NNT: variants seen among roughly 807,000 people sequenced by gnomAD.
The protein encoded by NNT is nicotinamide nucleotide transhydrogenase.
NNT carries 50 observed loss-of-function variants against 104.8 expected under a neutral mutation model. The ratio of observed to expected loss-of-function variants is 0.48; its 90% CI spans 0.38 to 0.60. The LOEUF (loss-of-function observed/expected upper bound fraction) is 0.60, where lower values mean the gene tolerates loss of function less well. Ranked by LOEUF, NNT falls within the 20% of genes least tolerant of loss-of-function variation. The pLI, the probability that NNT is intolerant of heterozygous loss-of-function variation, is 0.00. For synonymous variants in NNT, 461 were observed against 490.4 expected, an observed-to-expected ratio of 0.94 and a Z score of 0.79; for missense variants, 1,131 against 1,330.7, an observed-to-expected ratio of 0.85 and a Z score of 2.33.
chr5:43,672,452 G>A (rs1741162226), intron 17 of NNT, among the ~76,000 whole-genome samples: 1 of 152,160 alleles, frequency 6.6e-6, no homozygotes, highest in African/African-American at 2.4e-5. Context: ...GTGACGTACA[G>A]ATGAGGTTTT....
rs931428596 is a variant in NNT, at chr5:43,659,055, C to A, written c.2455-116C>A. 24 of 1,047,324 alleles carry A rather than the reference C, an allele frequency of 2.3e-5. 1 individual carries two copies. The South Asian group carries it at 3.7e-4, about 16-fold the overall frequency. The allele number at this position is 1,047,324 out of a possible 1,614,324, so 64.9% of individuals were successfully genotyped here. A position where few individuals can be genotyped will look rare whatever the true frequency, so the allele number is the denominator to read the frequency against. ...GAGACACTTATTACCGGAAGTGGAA[C>A]TTATATGTAAATATATTAATGGGAA... is the stretch of plus-strand genomic sequence containing the variant. On this transcript the variant is annotated intron_variant, in intron 16 of 21. Transcript: ENST00000344920.
At chr5:43,659,006 C>T (rs1449798498) in intron 16 of NNT, among the ~76,000 whole-genome samples, 165 bp from the exon 17 acceptor site, 1 of 151,592 alleles carries the variant, frequency 6.6e-6, no homozygotes, top group Non-Finnish European at 1.5e-5. Context: ...AGTTGTTATA[C>T]CTGTGGAAGT....
chr5:43,672,236 C>T (rs1314861236), intron 17 of NNT, among the ~76,000 whole-genome samples: 1 of 152,190 alleles, frequency 6.6e-6, no homozygotes, highest in Non-Finnish European at 1.5e-5. Flanking sequence ...CAAACTTCCT[C>T]CTTTAGCTTG....
chr5:43,648,898 T>G (rs2111870656), intron 10 of NNT, among the ~76,000 whole-genome samples: 1 of 152,276 alleles, frequency 6.6e-6, no homozygotes, highest in East Asian at 1.9e-4. Context: ...TTGTTATTAG[T>G]GTGACTCATA....
In NNT at chr5:43,702,683, C is replaced by A; in HGVS notation, c.3058C>A (p.Pro1020Thr). The stretch of plus-strand genomic sequence containing the variant: ...TGTTAATTCAGCAGCTCAAGAAGAT[C>A]CCAACTCTATTATTGCAGGCATGCC... ...DTVNSAAQED[P>T]NSIIAGMPVL... Residue 1020 changes from proline (P) to threonine (T), a missense_variant, in exon 21 of 22, where the codon CCC becomes ACC. Pro to Thr is a conservative substitution (Grantham distance 38, BLOSUM62 -1). Coordinates refer to ENST00000344920, the MANE Select transcript of NNT (RefSeq NM_182977.3). 1 of 1,612,824 alleles carries A rather than the reference C, an allele frequency of 6.2e-7. No homozygotes were observed. Among genetic ancestry groups the A allele is most frequent in the Non-Finnish European group, 8.5e-7 (1 of 1,179,306 alleles).
intron 17 of NNT, among the ~76,000 whole-genome samples, chr5:43,666,363 G>A (rs58816610): frequency 0.012 from 1,873 of 152,296 alleles, 46 homozygotes; most frequent in African/African-American, 0.043. Context: ...GGCCGAGGCT[G>A]TCAGATCACT....
At chr5:43,645,846 C>A (rs1379452789) in intron 10 of NNT, among the ~76,000 whole-genome samples, 3 of 149,930 alleles carry the variant, frequency 2.0e-5, no homozygotes, top group African/African-American at 7.4e-5. Context: ...TCCCAAGTAG[C>A]TGGGACTATA....
chr5:43,612,997 A>C lies in NNT; in HGVS notation c.241A>C (p.Asn81His). ...RVALSPAGVQ[N>H]LVKQGFNVVV... Reference sequence around the variant, plus strand: ...GGCATTGTCTCCTGCTGGTGTTCAGAACTTGGTCAAGCAGGGTTTTAATGT... The same window carrying C: ...GGCATTGTCTCCTGCTGGTGTTCAGCACTTGGTCAAGCAGGGTTTTAATGT... The change falls in exon 3 of 22, where the codon AAC becomes CAC. Residue 81 changes from asparagine to histidine, a missense_variant. Transcript: ENST00000344920. 6.2e-7 allele frequency: 1 copy of C among 1,614,108 alleles called. No homozygotes were observed. Among genetic ancestry groups the C allele is most frequent in the African/African-American group, 1.3e-5 (1 of 75,010 alleles).
At chr5:43,689,043 C>G (rs750103432) in intron 19 of NNT, among the ~76,000 whole-genome samples, 1 of 152,120 alleles carries the variant, frequency 6.6e-6, no homozygotes, top group Admixed American at 6.5e-5. Context: ...TCACTACATC[C>G]CCACCAACCT....
In NNT at chr5:43,656,676, C is replaced by G. The variant is rs190213776; in HGVS notation, c.2317C>G (p.Leu773Val). 5.6e-6 allele frequency: 9 copies of G among 1,613,478 alleles called. No individual in the cohort carries two copies. In the East Asian group the frequency reaches 2.0e-4, roughly 36 times the overall value. ...LQGLLKSAPL[L>V]LPGRHLLNAG... Reference sequence around the variant, plus strand: ...AGGTCTCCTGAAATCTGCCCCTCTCCTACTGCCTGGAAGGCACTTACTCAA... The same window carrying G: ...AGGTCTCCTGAAATCTGCCCCTCTCGTACTGCCTGGAAGGCACTTACTCAA... The change falls in exon 16 of 22, where the codon CTA becomes GTA. Residue 773 changes from leucine to valine, a missense_variant. Coordinates refer to ENST00000344920, the MANE Select transcript of NNT (RefSeq NM_182977.3).
At chr5:43,628,460 G>T in intron 7 of NNT, 73 bp downstream of exon 7, 1 of 1,157,222 alleles carries the variant, frequency 8.6e-7, no homozygotes, top group South Asian at 1.8e-5. Flanking sequence ...GAGAGTGAAT[G>T]ATTGCTTAAC....
At chr5:43,674,960 A>G (rs1301637136) in intron 17 of NNT, among the ~76,000 whole-genome samples, 1 of 152,212 alleles carries the variant, frequency 6.6e-6, no homozygotes, top group East Asian at 1.9e-4. Flanking sequence ...AGTTACTTCT[A>G]TTAAAACTTA....
intron 17 of NNT, among the ~76,000 whole-genome samples, chr5:43,667,980 A>G (rs1580077708): frequency 6.6e-6 from 1 of 152,184 alleles, no homozygotes; most frequent in East Asian, 1.9e-4. Context: ...GTGAGATGGT[A>G]TCTCATTGTG....
At chr5:43,653,298 A>AT in intron 14 of NNT, 85 bp downstream of exon 14, 1 of 1,283,632 alleles carries the variant, frequency 7.8e-7, no homozygotes, top group Admixed American at 2.8e-5. Context: ...AAATAATTAA[A>AT]TTTTGTTCAT....
At chr5:43,645,657 C>A (rs7732357) in intron 10 of NNT, 147 bp downstream of exon 10, 2,300 of 36,000 alleles carry the variant, frequency 0.064, 31 homozygotes, top group South Asian at 0.12. Context: ...CTATCTATCT[C>A]TCTCTCTCTC....
intron 17 of NNT, among the ~76,000 whole-genome samples, chr5:43,666,270 G>C (rs948315094): frequency 6.6e-6 from 1 of 152,098 alleles, no homozygotes. Flanking sequence ...GTAGCCAGCC[G>C]AGAGCATGCC....
At chr5:43,648,724 G>A (rs73751793) in intron 10 of NNT, among the ~76,000 whole-genome samples, 2,344 of 152,240 alleles carry the variant, frequency 0.015, 61 homozygotes, top group African/African-American at 0.049. Context: ...CTTCATAAAA[G>A]TCTTGTCTTA....
chr5:43,648,789 T>G (rs1052248813), intron 10 of NNT, among the ~76,000 whole-genome samples: 27 of 152,214 alleles, frequency 1.8e-4, no homozygotes, highest in African/African-American at 6.5e-4. Context: ...TCTGTAGGCC[T>G]GTAATCGGGA....
upstream of NNT, chr5:43,602,943 C>T (rs1277825289): frequency 6.5e-6 from 1 of 152,772 alleles, no homozygotes; most frequent in Non-Finnish European, 1.5e-5. Context: ...GGCTGGGGGC[C>T]GCAGGCCGAG....
Sources: allele counts gnomAD v4.1 joint callset (sites outside exome capture counted in the v4.1 genomes callset), GRCh38; gene constraint gnomAD v4.1.1; transcripts MANE v1.5; gene names NCBI Gene and HGNC (gene_info 2026-07-23, HGNC 2026-07-21).